The following FAM171B variants were observed in gnomAD, a reference collection of about 807,000 sequenced individuals.
FAM171B encodes the protein family with sequence similarity 171 member B, also known as protein FAM171B.
A neutral mutation model predicts 75.6 loss-of-function variants in FAM171B; 19 were observed. The ratio of observed to expected loss-of-function variants is 0.25; its 90% confidence interval spans 0.18 to 0.37. The LOEUF is 0.37. Among genes scored for constraint, FAM171B ranks in the 10% least tolerant of loss-of-function variants. The pLI is 1.00. For synonymous variants in FAM171B, 367 were observed against 361.7 expected (o/e 1.01, Z -0.17); for missense variants, 848 against 982.4 (o/e 0.86, Z 1.83).
intron 1 of FAM171B, among the ~76,000 whole-genome samples, chr2:186,712,997 C>T (rs1349532989): frequency 6.6e-6 from 1 of 152,130 alleles, no homozygotes; most frequent in Non-Finnish European, 1.5e-5. Flanking sequence ...TCACAAATAG[C>T]ATAACAAATG....
At chr2:186,742,686 A>T (rs866662313) in intron 2 of FAM171B, among the ~76,000 whole-genome samples, 3 of 152,184 alleles carry the variant, frequency 2.0e-5, no homozygotes, top group Non-Finnish European at 4.4e-5. Context: ...ATCAAACGAG[A>T]ACTCGTGCTT....
intron 1 of FAM171B, among the ~76,000 whole-genome samples, chr2:186,734,556 A>AT: frequency 6.6e-6 from 1 of 152,302 alleles, no homozygotes; most frequent in Non-Finnish European, 1.5e-5. Context: ...CAGGCAGGTC[A>AT]TCCTGTCCTC....
intron 4 of FAM171B, among the ~76,000 whole-genome samples, chr2:186,748,817 C>T (rs6723908): frequency 0.028 from 4,223 of 152,120 alleles, 195 homozygotes; most frequent in African/African-American, 0.096. Flanking sequence ...AGACATCAGC[C>T]AAGATTTTCC....
chr2:186,694,124 C>T lies in FAM171B; in HGVS notation c.-50C>T. 1.4e-6 allele frequency: 2 copies of T among 1,435,304 alleles called. No individual in the cohort carries two copies. The highest frequency in any genetic ancestry group is 1.8e-6 in the Non-Finnish European group (2 of 1,104,292). 88.9% of individuals were successfully genotyped at this position (1,435,304 alleles called of 1,614,324 possible). The stretch of plus-strand genomic sequence containing the variant: ...AGGAGCCCGCAGCCCTGGCGCCCGC[C>T]GCCGCCCGGAGCCCCGCAATATGCC... On this transcript the variant is annotated 5_prime_UTR_variant, in exon 1 of 8. Transcript: ENST00000304698.
chr2:186,747,337 A>T, intron 4 of FAM171B, 87 bp downstream of exon 4: 2 of 852,548 alleles, frequency 2.3e-6, no homozygotes, highest in Non-Finnish European at 3.3e-6. Flanking sequence ...ATAATAGCTT[A>T]TAATATATAA....
chr2:186,735,374 C>A (rs1022372338), intron 1 of FAM171B, among the ~76,000 whole-genome samples: 4 of 152,270 alleles, frequency 2.6e-5, no homozygotes, highest in Admixed American at 2.6e-4. Flanking sequence ...CATTAAAAAA[C>A]CTGAAAAGAC....
At chr2:186,695,520 G>A (rs1689567025) in intron 1 of FAM171B, among the ~76,000 whole-genome samples, 1 of 152,172 alleles carries the variant, frequency 6.6e-6, no homozygotes, top group African/African-American at 2.4e-5. Context: ...TTGAAAGAGT[G>A]GAATCAGCAT....
intron 1 of FAM171B, among the ~76,000 whole-genome samples, chr2:186,715,221 G>A (rs1168943527): frequency 6.6e-6 from 1 of 152,020 alleles, no homozygotes; most frequent in Admixed American, 6.6e-5. Context: ...TTTGTTTTGA[G>A]ACTTGAGTTT....
At position 186,694,201 on chromosome 2, in the gene FAM171B, T is replaced by C. The variant is rs1422487927; in HGVS notation, c.28T>C (p.Cys10Arg). The part of the protein sequence containing the change: MARLCRRVP[C>R]TLLLGLAVVL... ...GGCGAGGCTCTGCCGGCGTGTCCCC[T>C]GCACCCTGCTTCTCGGCCTGGCCGT... The change falls in exon 1 of 8, where the codon TGC becomes CGC. Residue 10 changes from cysteine (C) to arginine (R), a missense_variant. Around this residue, in one of 3 missense-constraint regions of FAM171B, gnomAD observed 665 missense variants for 729.0 expected, o/e 0.91. Coordinates refer to ENST00000304698, the MANE Select transcript of FAM171B (RefSeq NM_177454.4). 1 of 1,606,194 alleles carries C rather than the reference T, an allele frequency of 6.2e-7. No homozygotes were observed. Among genetic ancestry groups the C allele is most frequent in the African/African-American group, 1.3e-5 (1 of 74,914 alleles).
At chr2:186,755,408 A>C (rs1690518460) in intron 6 of FAM171B, among the ~76,000 whole-genome samples, 1 of 152,214 alleles carries the variant, frequency 6.6e-6, no homozygotes, top group South Asian at 2.1e-4. Flanking sequence ...TAAAAGTTGA[A>C]TGCATGTATA....
intron 1 of FAM171B, among the ~76,000 whole-genome samples, chr2:186,698,791 C>A (rs1041975831): frequency 9.9e-5 from 15 of 152,284 alleles, no homozygotes; most frequent in African/African-American, 3.4e-4. Flanking sequence ...ACTCCCAATA[C>A]CCTTCCCAGA....
chr2:186,762,548 CT>C lies in FAM171B; in HGVS notation c.2209del (p.Tyr737ThrfsTer2). The C allele has an allele frequency of 6.2e-7, 1 of 1,613,538 alleles. No individual in the cohort carries two copies. Among genetic ancestry groups the C allele is most frequent in the South Asian group, 1.1e-5 (1 of 91,060 alleles). On this transcript the variant is annotated frameshift_variant, in exon 8 of 8. Transcript: ENST00000304698. LOFTEE classifies it high-confidence loss of function. This position sits in a 1 kb window ranked among gnomAD's most constrained non-coding sequence, Gnocchi z 4.0. ...CAAAAGCATGCATCAGCCCAAGATC[CT>C]TTACTTAGAAGATTTAGACCTAAGC... ...FIKSMHQPKI[L>X]YLEDLDLSSS...
rs779905961 is a variant in FAM171B, at chr2:186,740,353, G to T, written c.364G>T (p.Ala122Ser). The T allele has an allele frequency of 1.9e-6, 3 of 1,613,922 alleles. No individual in the cohort carries two copies. Among genetic ancestry groups the T allele is most frequent in the African/African-American group, 2.7e-5 (2 of 74,920 alleles). Residue 122 changes from alanine (A) to serine (S), a missense_variant, in exon 2 of 8, where the codon GCA (alanine) becomes TCA (serine). Transcript: ENST00000304698. ...TNSTVTKSNGAVLIKVPYKLG... is the reference protein window; with the variant it reads ...TNSTVTKSNGSVLIKVPYKLG... ...TTCCACAGTAACTAAAAGCAATGGA[G>T]CAGTGCTGATAAAAGTACCCTACAA...
chr2:186,730,108 G>A (rs1394136373), intron 1 of FAM171B, among the ~76,000 whole-genome samples: 2 of 152,056 alleles, frequency 1.3e-5, no homozygotes, highest in South Asian at 2.1e-4. Flanking sequence ...CTACAGGCAC[G>A]TGCCACCACA....
intron 1 of FAM171B, among the ~76,000 whole-genome samples, chr2:186,710,278 G>A (rs1689792362): frequency 6.6e-6 from 1 of 152,140 alleles, no homozygotes; most frequent in Admixed American, 6.6e-5. Flanking sequence ...GTACTTGTGT[G>A]GTGTGTTGTC....
intron 1 of FAM171B, among the ~76,000 whole-genome samples, chr2:186,725,078 C>T (rs530140881): frequency 4.6e-5 from 7 of 152,328 alleles, no homozygotes; most frequent in South Asian, 4.1e-4. Context: ...GGCGCGATGG[C>T]TCACGCCTGT....
intron 5 of FAM171B, among the ~76,000 whole-genome samples, chr2:186,751,581 C>G (rs1690455442): frequency 6.6e-6 from 1 of 152,132 alleles, no homozygotes; most frequent in Admixed American, 6.5e-5. Flanking sequence ...AAAATTATCT[C>G]TCTTCTTAGA....
At chr2:186,714,702 T>A (rs1230661031) in intron 1 of FAM171B, among the ~76,000 whole-genome samples, 2 of 152,230 alleles carry the variant, frequency 1.3e-5, no homozygotes, top group Admixed American at 6.5e-5. Context: ...TGATCTTTTT[T>A]CTCTGTGCTT....
At chr2:186,725,967 C>T (rs2105780611) in intron 1 of FAM171B, among the ~76,000 whole-genome samples, 1 of 152,274 alleles carries the variant, frequency 6.6e-6, no homozygotes, top group Admixed American at 6.5e-5. Context: ...GCAAGAAGGA[C>T]CGGAGTCCAA....
Sources: gnomAD v4.1 joint callset for allele counts (sites outside exome capture counted in the v4.1 genomes callset) on GRCh38, gnomAD v4.1.1 for gene constraint, gnomAD v4.1.1 regional missense constraint, Gnocchi (gnomAD v3.1) non-coding constraint, MANE v1.5 for transcripts, NCBI Gene and HGNC (gene_info 2026-07-23, HGNC 2026-07-21) for gene names.